The following PDLIM5 variants were observed in gnomAD, a reference collection of about 807,000 sequenced individuals.
PDLIM5 encodes the protein PDZ and LIM domain 5.
In PDLIM5, 34 loss-of-function variants were observed where a neutral mutation model predicts 64.2. That is an observed-to-expected ratio of 0.53 (90% CI 0.40 to 0.71). The LOEUF (loss-of-function observed/expected upper bound fraction) is 0.71. Among genes scored for constraint, PDLIM5 ranks in the 30% least tolerant of loss-of-function variants. PDLIM5 has a pLI of 0.00. For synonymous variants in PDLIM5, 253 were observed against 269.1 expected (o/e 0.94, Z 0.59); for missense variants, 683 against 733.6 (o/e 0.93, Z 0.80).
At chr4:94,602,582 A>G (rs917289862) in intron 7 of PDLIM5, among the ~76,000 whole-genome samples, 22 of 152,116 alleles carry the variant, frequency 1.4e-4, no homozygotes, top group Admixed American at 6.5e-4. Flanking sequence ...CCTCCCGAGT[A>G]GCTGGGATTA....
At chr4:94,611,235 G>A (rs1376346639) in intron 7 of PDLIM5, 9 of 1,513,026 alleles carry the variant, frequency 5.9e-6, no homozygotes, top group Middle Eastern at 1.7e-4. Flanking sequence ...GTGGTGGTTC[G>A]CTGTTAAGCA....
chr4:94,459,219 T>G (rs1048594713), intron 2 of PDLIM5, among the ~76,000 whole-genome samples: 1 of 152,238 alleles, frequency 6.6e-6, no homozygotes, highest in African/African-American at 2.4e-5. Flanking sequence ...TGAAATACTC[T>G]GCTGTGTGTT....
At chr4:94,582,347 A>G (rs1442931896) in intron 5 of PDLIM5, among the ~76,000 whole-genome samples, 1 of 152,150 alleles carries the variant, frequency 6.6e-6, no homozygotes, top group African/African-American at 2.4e-5. Flanking sequence ...TGTTTAAATG[A>G]TTTTTATAAA....
chr4:94,590,010 C>A (rs1736558547), intron 7 of PDLIM5, among the ~76,000 whole-genome samples: 1 of 152,062 alleles, frequency 6.6e-6, no homozygotes, highest in Admixed American at 6.6e-5. Context: ...CTCCTGACCT[C>A]CAGTTATCCG....
In PDLIM5 at chr4:94,632,246, A is replaced by G. The variant is rs1382046126; in HGVS notation, c.1109-8030A>G. On this transcript the variant is annotated intron_variant, in intron 8 of 12. Coordinates refer to ENST00000317968, the MANE Select transcript of PDLIM5 (RefSeq NM_006457.5). Reference sequence around the variant, plus strand: ...GTAGAGCCAGTGCATTGTTTGGTACATAGCAGTTGTTCAAAAAACATTTGC... The same window carrying G: ...GTAGAGCCAGTGCATTGTTTGGTACGTAGCAGTTGTTCAAAAAACATTTGC... 2.0e-5 allele frequency among the ~76,000 whole-genome samples: 3 copies of G among 152,244 alleles called. No homozygotes were observed. In the East Asian group the frequency reaches 5.8e-4, roughly 29 times the overall value.
chr4:94,657,426 G>T lies in PDLIM5; in HGVS notation c.1465-1G>T. ...TACATCCAATTACCTTTCTGTAACA[G>T]GAAGTCATCAGTGCGTTGAAACAAA... On this transcript the variant is annotated splice_acceptor_variant, in intron 10 of 12. Transcript: ENST00000317968. LOFTEE classifies it high-confidence loss of function. The T allele has an allele frequency of 6.3e-7, 1 of 1,584,496 alleles. No individual in the cohort carries two copies. The highest frequency in any genetic ancestry group is 1.3e-5 in the African/African-American group (1 of 74,328).
intron 2 of PDLIM5, among the ~76,000 whole-genome samples, chr4:94,459,377 CTT>C (rs969021997): frequency 1.3e-5 from 2 of 152,144 alleles, no homozygotes; most frequent in African/African-American, 4.8e-5. Flanking sequence ...ATAACAATGA[CTT>C]TGATTCTCAA....
At chr4:94,531,938 G>C (rs911243135) in intron 3 of PDLIM5, among the ~76,000 whole-genome samples, 7 of 151,884 alleles carry the variant, frequency 4.6e-5, no homozygotes, top group Admixed American at 1.3e-4. Flanking sequence ...AAAGGAAAAA[G>C]GGGGGGAAAG....
At chr4:94,553,533 T>TA (rs1404779962) in intron 3 of PDLIM5, among the ~76,000 whole-genome samples, 12 of 152,264 alleles carry the variant, frequency 7.9e-5, no homozygotes, top group African/African-American at 2.9e-4. Context: ...TTTTCATTCT[T>TA]ATGGCAATGT....
chr4:94,486,568 G>C (rs1428051640), intron 2 of PDLIM5, among the ~76,000 whole-genome samples: 1 of 152,148 alleles, frequency 6.6e-6, no homozygotes, highest in Non-Finnish European at 1.5e-5. Flanking sequence ...ACTCCTTGCA[G>C]TGCGGTCTAA....
rs151053641 is a variant in PDLIM5, at chr4:94,663,433, G to A, written c.1702-545G>A. ...GAGCTGTAAATGTAGATAGTGGACTGACTGTATAATCCTCAGCAGCCAGAT... is the reference window on the plus strand; with the variant it reads ...GAGCTGTAAATGTAGATAGTGGACTAACTGTATAATCCTCAGCAGCCAGAT... On this transcript the variant is annotated intron_variant, in intron 12 of 12. Coordinates refer to ENST00000317968, the MANE Select transcript of PDLIM5 (RefSeq NM_006457.5). 3.4e-3 allele frequency among the ~76,000 whole-genome samples: 525 copies of A among 152,292 alleles called. 1 individual carries two copies. Among genetic ancestry groups the A allele is most frequent in the African/African-American group, 0.012 (503 of 41,570 alleles).
intron 3 of PDLIM5, among the ~76,000 whole-genome samples, chr4:94,554,742 G>A (rs143070120): frequency 3.4e-4 from 51 of 150,752 alleles, no homozygotes; most frequent in African/African-American, 1.2e-3. Context: ...TGCTGTCATA[G>A]TATATAACAA....
At position 94,575,727 on chromosome 4, in the gene PDLIM5, G is replaced by C. The variant is rs375640209; in HGVS notation, c.403G>C (p.Val135Leu). Residue 135 changes from valine (V) to leucine (L), a missense_variant, in exon 5 of 13, where the codon GTG becomes CTG. Transcript: ENST00000317968. ...YNKAPRPFGS[V>L]SSPKVTSIPS... is the part of the protein sequence containing the mutation. ...TAAGGCACCACGGCCTTTTGGTTCTGTGTCTTCACCAAAAGTCACATCCAT... is the reference window on the plus strand; with the variant it reads ...TAAGGCACCACGGCCTTTTGGTTCTCTGTCTTCACCAAAAGTCACATCCAT... 6.2e-7 allele frequency: 1 copy of C among 1,614,068 alleles called. No individual in the cohort carries two copies. The highest frequency in any genetic ancestry group is 8.5e-7 in the Non-Finnish European group (1 of 1,179,978).
At chr4:94,585,879 A>G (rs1736150913) in intron 6 of PDLIM5, 142 bp downstream of exon 6, 2 of 619,604 alleles carry the variant, frequency 3.2e-6, no homozygotes, top group Non-Finnish European at 5.5e-6. Context: ...GGTAATATAA[A>G]TAAGACCCCA....
chr4:94,605,999 C>T (rs114425148), intron 7 of PDLIM5, among the ~76,000 whole-genome samples: 6 of 151,688 alleles, frequency 4.0e-5, no homozygotes, highest in African/African-American at 1.4e-4. Flanking sequence ...GAGCACTATT[C>T]ATTTCTTTCA....
At chr4:94,608,825 T>C (rs1654306012) in intron 7 of PDLIM5, among the ~76,000 whole-genome samples, 1 of 152,198 alleles carries the variant, frequency 6.6e-6, no homozygotes, top group Admixed American at 6.5e-5. Flanking sequence ...TATTATTCCC[T>C]TTGACATTCA....
intron 2 of PDLIM5, among the ~76,000 whole-genome samples, chr4:94,523,011 C>T (rs532794223): frequency 2.2e-4 from 34 of 152,112 alleles, no homozygotes; most frequent in African/African-American, 8.0e-4. Flanking sequence ...TATATACACA[C>T]GAAATTTGAA....
rs1362814983 is a variant in PDLIM5 at position 94,608,229 on chromosome 4, T to C, written c.921-9775T>C. ...TAAATTTCAAAGCTGGTAGTGAATT[T>C]AAATATACTAAACTGTTTGAAAAAG... On this transcript the variant is annotated intron_variant, in intron 7 of 12. Transcript: ENST00000317968. The C allele has an allele frequency of 2.3e-6, 3 of 1,281,646 alleles. No individual in the cohort carries two copies. The Admixed American group carries it at 6.2e-5, about 27-fold the overall frequency. 79.4% of individuals were successfully genotyped at this position (1,281,646 alleles called of 1,614,324 possible). A position where few individuals can be genotyped will look rare whatever the true frequency, so the allele number is the denominator to read the frequency against.
chr4:94,460,506 A>T (rs1723779015), intron 2 of PDLIM5, among the ~76,000 whole-genome samples: 1 of 152,048 alleles, frequency 6.6e-6, no homozygotes, highest in South Asian at 2.1e-4. Context: ...CTGTAGTCTC[A>T]GCATTTTGGG....
Sources: allele counts gnomAD v4.1 joint callset (sites outside exome capture counted in the v4.1 genomes callset), GRCh38; gene constraint gnomAD v4.1.1; transcripts MANE v1.5; gene names NCBI Gene and HGNC (gene_info 2026-07-23, HGNC 2026-07-21).